Variants in KCNIP1 observed in about 807,000 individuals in gnomAD.
KCNIP1 encodes the protein A-type potassium channel modulatory protein KCNIP1.
Under a neutral mutation model 33.0 loss-of-function variants are expected in KCNIP1, and 18 were observed. That is an observed-to-expected ratio of 0.55 (90% confidence interval 0.38 to 0.81). The LOEUF (loss-of-function observed/expected upper bound fraction) is 0.81, where lower values mean the gene tolerates loss of function less well. Ranked by LOEUF, KCNIP1 falls within the 30% of genes least tolerant of loss-of-function variation. KCNIP1 has a pLI of 0.00. For synonymous variants in KCNIP1, 93 were observed against 98.3 expected (o/e 0.95, Z 0.32); for missense variants, 238 against 271.6 (o/e 0.88, Z 0.87).
At chr5:170,727,876 G>A (rs1381938313) in intron 5 of KCNIP1, among the ~76,000 whole-genome samples, 5 of 152,128 alleles carry the variant, frequency 3.3e-5, no homozygotes, top group Non-Finnish European at 7.3e-5. Context: ...AGGAGTTCAA[G>A]CCTGCCCTGA....
At chr5:170,523,051 G>T (rs1353467161) in intron 1 of KCNIP1, among the ~76,000 whole-genome samples, 2 of 152,222 alleles carry the variant, frequency 1.3e-5, no homozygotes, top group Admixed American at 1.3e-4. Flanking sequence ...CGAGTTGATA[G>T]ATTTTTTTCT....
intron 1 of KCNIP1, among the ~76,000 whole-genome samples, chr5:170,594,121 C>A (rs781499260): frequency 7.2e-5 from 11 of 152,218 alleles, no homozygotes; most frequent in Non-Finnish European, 1.5e-4. Flanking sequence ...CTAGGAGACA[C>A]AGCTAGAGAT....
At chr5:170,621,749 T>C (rs1370010722) in intron 1 of KCNIP1, among the ~76,000 whole-genome samples, 1 of 152,266 alleles carries the variant, frequency 6.6e-6, no homozygotes, top group African/African-American at 2.4e-5. Flanking sequence ...GCTTGAGTGA[T>C]CCTCCCGCCT....
intron 1 of KCNIP1, chr5:170,712,762 A>C: frequency 8.5e-7 from 1 of 1,173,614 alleles, no homozygotes; most frequent in South Asian, 1.2e-5. Flanking sequence ...CGACGTGGAC[A>C]CCCTCAGAGC....
At chr5:170,596,312 G>C (rs919133280) in intron 1 of KCNIP1, among the ~76,000 whole-genome samples, 31 of 152,204 alleles carry the variant, frequency 2.0e-4, no homozygotes, top group Non-Finnish European at 4.4e-5. Flanking sequence ...AGTATCAACT[G>C]TCAGGACAGC....
intron 1 of KCNIP1, among the ~76,000 whole-genome samples, chr5:170,528,576 C>T (rs1755665411): frequency 1.3e-5 from 2 of 152,158 alleles, no homozygotes; most frequent in Non-Finnish European, 2.9e-5. Flanking sequence ...TGTCCAAGGG[C>T]GTAATCTTGA....
intron 1 of KCNIP1, among the ~76,000 whole-genome samples, chr5:170,715,705 A>G (rs1763622135): frequency 6.6e-6 from 1 of 152,232 alleles, no homozygotes; most frequent in African/African-American, 2.4e-5. Context: ...CTTTACAAAC[A>G]AAAGGTGCTC....
chr5:170,717,524 G>A (rs969979165), intron 1 of KCNIP1, among the ~76,000 whole-genome samples: 7 of 152,198 alleles, frequency 4.6e-5, no homozygotes, highest in African/African-American at 1.2e-4. Flanking sequence ...ACCAAGTTAC[G>A]GGAGCCTCAC....
intron 1 of KCNIP1, among the ~76,000 whole-genome samples, chr5:170,490,332 C>G (rs144770567): frequency 6.6e-6 from 1 of 152,322 alleles, no homozygotes; most frequent in East Asian, 1.9e-4. Flanking sequence ...TGAAATTCTC[C>G]CACATTGACG....
intron 4 of KCNIP1, 29 bp downstream of exon 4, chr5:170,721,932 G>T (rs1445616711): frequency 6.2e-7 from 1 of 1,613,194 alleles, no homozygotes; most frequent in African/African-American, 1.3e-5. Flanking sequence ...CACTCTAGGG[G>T]TCCTCTGGTT....
At chr5:170,474,624 A>G (rs1011479883) in intron 1 of KCNIP1, among the ~76,000 whole-genome samples, 1 of 152,206 alleles carries the variant, frequency 6.6e-6, no homozygotes, top group East Asian at 1.9e-4. Context: ...AGACTCCTCT[A>G]GCTTCAGTGG....
intron 1 of KCNIP1, chr5:170,383,431 G>A: frequency 1.6e-6 from 1 of 609,100 alleles, no homozygotes; most frequent in South Asian, 1.9e-5. Context: ...ACTTTACAAG[G>A]GTGGAAACTG....
intron 1 of KCNIP1, among the ~76,000 whole-genome samples, chr5:170,607,329 A>G (rs527344381): frequency 6.6e-6 from 1 of 152,324 alleles, no homozygotes; most frequent in African/African-American, 2.4e-5. Context: ...TAATCCCAGT[A>G]AAAAGCTTTA....
At chr5:170,496,188 GC>G (rs1757308066) in intron 1 of KCNIP1, among the ~76,000 whole-genome samples, 1 of 152,194 alleles carries the variant, frequency 6.6e-6, no homozygotes, top group African/African-American at 2.4e-5. Context: ...CACAGCTGCA[GC>G]CCCCAGGCAC....
intron 1 of KCNIP1, among the ~76,000 whole-genome samples, chr5:170,612,408 G>T (rs958449564): frequency 1.1e-4 from 16 of 152,236 alleles, no homozygotes; most frequent in Non-Finnish European, 1.6e-4. Context: ...CCAGTAAGAG[G>T]CACTTGCTCT....
intron 1 of KCNIP1, among the ~76,000 whole-genome samples, chr5:170,693,496 G>A (rs142388204): frequency 1.3e-5 from 2 of 152,170 alleles, no homozygotes; most frequent in African/African-American, 4.8e-5. Flanking sequence ...CAGAAGGCAG[G>A]TGAAGAACGT....
chr5:170,383,709 G>A (rs1418946952), intron 1 of KCNIP1: 1 of 1,614,202 alleles, frequency 6.2e-7, no homozygotes, highest in Non-Finnish European at 8.5e-7. Flanking sequence ...TGTCCTCCGT[G>A]TGGTACAGCA....
intron 1 of KCNIP1, among the ~76,000 whole-genome samples, chr5:170,539,899 C>A (rs1322849304): frequency 6.6e-6 from 1 of 152,174 alleles, no homozygotes; most frequent in Non-Finnish European, 1.5e-5. Flanking sequence ...TCTGTGTTCT[C>A]AAGGTCGCAA....
At position 170,675,613 on chromosome 5, in the gene KCNIP1, C is replaced by G. The variant is rs146499089; in HGVS notation, c.62-43145C>G. On this transcript the variant is annotated intron_variant, in intron 1 of 7. Coordinates refer to ENST00000328939, the MANE Select transcript of KCNIP1 (RefSeq NM_014592.4). ...TCCAGCCTGGCAACAGAGCAAGCCCCCATCTCTAAAATAAAATAAATTGCT... is the reference window on the plus strand; with the variant it reads ...TCCAGCCTGGCAACAGAGCAAGCCCGCATCTCTAAAATAAAATAAATTGCT... Among the ~76,000 whole-genome samples, 299 of 152,274 alleles carry G rather than the reference C, an allele frequency of 2.0e-3. 1 individual carries two copies. Among genetic ancestry groups the G allele is most frequent in the African/African-American group, 6.9e-3 (288 of 41,562 alleles).
Sources: gnomAD v4.1 joint callset for allele counts (sites outside exome capture counted in the v4.1 genomes callset) on GRCh38, gnomAD v4.1.1 for gene constraint, MANE v1.5 for transcripts, NCBI Gene and HGNC (gene_info 2026-07-23, HGNC 2026-07-21) for gene names.